Variants in GPM6B observed in about 807,000 individuals in gnomAD.
The protein encoded by GPM6B is glycoprotein M6B, also known as neuronal membrane glycoprotein M6-b.
Under a neutral mutation model 27.2 loss-of-function variants are expected in GPM6B, and 4 were observed. The ratio of observed to expected loss-of-function variants is 0.15; its 90% CI spans 0.07 to 0.34. The LOEUF (loss-of-function observed/expected upper bound fraction) is 0.34, where lower values mean the gene tolerates loss of function less well. Ranked by LOEUF, GPM6B falls within the 10% of genes least tolerant of loss-of-function variation. The probability of loss-of-function intolerance (pLI) is 1.00; values close to 1 mark genes in which losing one functional copy is unlikely to be tolerated. For synonymous variants in GPM6B, 124 were observed against 103.1 expected (o/e 1.20, Z -1.23); for missense variants, 183 against 261.9 (o/e 0.70, Z 2.08).
Position 13,781,991 on chromosome X carries a change from C to G in GPM6B, c.525+1374G>C, listed in dbSNP as rs146638467. ...AGCGGGCAGATCTCATCCACCTTCT[C>G]CACCTCACATGACTTTCTGTCCTGT... On this transcript the variant is annotated intron_variant, in intron 4 of 7. Transcript: ENST00000316715. Among the ~76,000 whole-genome samples the G allele has an allele frequency of 7.5e-4, 84 of 112,040 alleles. 1 individual carries two copies. The highest frequency in any genetic ancestry group is 2.8e-4 in the Non-Finnish European group (15 of 53,188).
chrX:13,935,335 C>T (rs866126718), intron 1 of GPM6B, among the ~76,000 whole-genome samples: 1 of 42,725 alleles, frequency 2.3e-5, no homozygotes, highest in East Asian at 1.2e-3. Flanking sequence ...CCTATCTCTA[C>T]AAAAAAAAAA....
At chrX:13,886,695 CCTCT>C (rs1488133517) in intron 1 of GPM6B, among the ~76,000 whole-genome samples, 10 of 78,505 alleles carry the variant, frequency 1.3e-4, no homozygotes, top group African/African-American at 3.5e-4. Flanking sequence ...CTAAGTGCCA[CCTCT>C]CTCTACCTTA....
intron 4 of GPM6B, 89 bp from the exon 5 acceptor site, chrX:13,780,078 A>G (rs1017667278): frequency 1.5e-5 from 12 of 776,840 alleles, no homozygotes; most frequent in South Asian, 3.9e-5. Flanking sequence ...TTCAGGCCCA[A>G]TACTGACCTG....
At chrX:13,873,402 G>A (rs1439308497) in intron 1 of GPM6B, among the ~76,000 whole-genome samples, 1 of 110,771 alleles carries the variant, frequency 9.0e-6, no homozygotes, top group African/African-American at 3.3e-5. Context: ...TAAGGAAAGG[G>A]GCTTATCTCC....
intron 1 of GPM6B, among the ~76,000 whole-genome samples, chrX:13,931,155 G>T (rs1468215668): frequency 9.0e-6 from 1 of 110,642 alleles, no homozygotes; most frequent in African/African-American, 3.3e-5. Flanking sequence ...CTGCACTTCA[G>T]CCTGGGTGAC....
In GPM6B at chrX:13,864,918, C is replaced by T. The variant is rs367952202; in HGVS notation, c.-198+73409G>A. Among the ~76,000 whole-genome samples, 14 of 112,014 alleles carry T rather than the reference C, an allele frequency of 1.2e-4. No homozygotes were observed. In the East Asian group the frequency reaches 2.8e-3, roughly 22 times the overall value. On this transcript the variant is annotated intron_variant, in intron 1 of 6. Transcript: ENST00000398361. ...CAGTGTTTTTCCCTGTATATACATACAATAAAGTTTCATTTATAAATTAGG... is the reference window on the plus strand; with the variant it reads ...CAGTGTTTTTCCCTGTATATACATATAATAAAGTTTCATTTATAAATTAGG...
chrX:13,874,812 T>C (rs143709486), intron 1 of GPM6B, among the ~76,000 whole-genome samples: 1,531 of 111,851 alleles, frequency 0.014, 30 homozygotes, highest in African/African-American at 0.046. Context: ...CTTTGAGCCA[T>C]GCACACTAAA....
At chrX:13,839,097 C>T (rs2049540548) in intron 1 of GPM6B, among the ~76,000 whole-genome samples, 1 of 111,619 alleles carries the variant, frequency 9.0e-6, no homozygotes, top group African/African-American at 3.3e-5. Flanking sequence ...ACCATCTAAT[C>T]TCTCTGAAGC....
chrX:13,829,383 CA>C (rs1159418253), intron 1 of GPM6B, among the ~76,000 whole-genome samples: 1 of 111,943 alleles, frequency 8.9e-6, no homozygotes, highest in Non-Finnish European at 1.9e-5. Flanking sequence ...ACACTGCATG[CA>C]GCACCTCAGC....
chrX:13,865,567 G>GAAAGAAAA (rs2049904821), intron 1 of GPM6B, among the ~76,000 whole-genome samples: 3 of 47,510 alleles, frequency 6.3e-5, no homozygotes, highest in Admixed American at 2.4e-4. Context: ...AAAAAAGAAA[G>GAAAGAAAA]AAAGAAAGAA....
chrX:13,935,335 C>CA (rs60400361), intron 1 of GPM6B, among the ~76,000 whole-genome samples: 1,230 of 42,663 alleles, frequency 0.029, 46 homozygotes, highest in African/African-American at 0.035. Context: ...CCTATCTCTA[C>CA]AAAAAAAAAA....
At chrX:13,910,368 A>G (rs1308661261) in intron 1 of GPM6B, among the ~76,000 whole-genome samples, 1 of 112,589 alleles carries the variant, frequency 8.9e-6, no homozygotes, top group Non-Finnish European at 1.9e-5. Context: ...TCCACTGTAC[A>G]GTCAGGGTGA....
rs1332369573 is a variant in GPM6B at position 13,772,058 on chromosome X, A to C, written c.*823T>G. 1.8e-5 allele frequency: 2 copies of C among 112,503 alleles called. No homozygotes were observed. Among genetic ancestry groups the C allele is most frequent in the Admixed American group, 1.9e-4 (2 of 10,560 alleles). The allele number at this position is 112,503 out of a possible 1,213,427, so 9.3% of individuals were successfully genotyped here. ...AACATTTATGGAACAAAATTCTGTG[A>C]AAGATATTTGGGTCTCTAGTTATGA... On this transcript the variant is annotated 3_prime_UTR_variant, in exon 8 of 8. Transcript: ENST00000316715.
chrX:13,813,417 T>C (rs1285278501), intron 1 of GPM6B, among the ~76,000 whole-genome samples: 2 of 112,050 alleles, frequency 1.8e-5, no homozygotes. Context: ...TTGTTTCCCA[T>C]TCACTATATT....
chrX:13,876,013 A>G (rs1430849200), intron 1 of GPM6B, among the ~76,000 whole-genome samples: 1 of 112,794 alleles, frequency 8.9e-6, no homozygotes, highest in African/African-American at 3.2e-5. Flanking sequence ...TACAATGATC[A>G]GTTTTATGTT....
intron 1 of GPM6B, among the ~76,000 whole-genome samples, chrX:13,879,759 A>G (rs901049121): frequency 2.7e-5 from 3 of 112,051 alleles, no homozygotes; most frequent in Non-Finnish European, 1.9e-5. Context: ...AAAAACAGGG[A>G]TTCCCCAAAT....
upstream of GPM6B, among the ~76,000 whole-genome samples, chrX:13,820,810 T>C (rs1435972217): frequency 8.9e-6 from 1 of 111,768 alleles, no homozygotes; most frequent in African/African-American, 3.3e-5. Context: ...CTTGGAACAC[T>C]TCTGGGCACA....
At chrX:13,779,605 A>C (rs1460727071) in intron 5 of GPM6B, among the ~76,000 whole-genome samples, 1 of 112,127 alleles carries the variant, frequency 8.9e-6, no homozygotes, top group African/African-American at 3.2e-5. Flanking sequence ...ACATGAAAAT[A>C]TAACGAAATT....
rs1214484218 is a variant in GPM6B at position 13,779,945 on chromosome X, C to A, written c.570G>T (p.Val190=). ...TYVLGVAWLG[V]FGFSAVPVFM... The stretch of plus-strand genomic sequence containing the variant: ...ACACGGGCACCGCTGAGAAACCAAA[C>A]ACACCCAGCCAGGCCACTCCAAGCA... The change falls in exon 5 of 8, where the codon GTG becomes GTT. Residue 190 remains valine, a synonymous_variant. Transcript: ENST00000316715. 2 of 1,199,448 alleles carry A rather than the reference C, an allele frequency of 1.7e-6. No homozygotes were observed. Among genetic ancestry groups the A allele is most frequent in the African/African-American group, 1.8e-5 (1 of 56,972 alleles).
Sources: allele counts gnomAD v4.1 joint callset (sites outside exome capture counted in the v4.1 genomes callset), GRCh38; gene constraint gnomAD v4.1.1; transcripts MANE v1.5; gene names NCBI Gene and HGNC (gene_info 2026-07-23, HGNC 2026-07-21).